Variants in CEP44 observed in about 807,000 individuals in gnomAD.
The protein encoded by CEP44 is centrosomal protein 44, also known as centrosomal protein of 44 kDa.
A neutral mutation model predicts 46.7 loss-of-function variants in CEP44; 45 were observed. The observed-to-expected ratio is 0.96, with a 90% CI of 0.76 to 1.24. The LOEUF is 1.24. Among genes scored for constraint, CEP44 ranks in the 50% most tolerant of loss-of-function variants. CEP44 has a pLI of 0.00. For synonymous variants in CEP44, 142 were observed against 146.0 expected (o/e 0.97, Z 0.20); for missense variants, 475 against 459.7 (o/e 1.03, Z -0.30).
In CEP44 at chr4:174,310,796, T is replaced by TCC; in HGVS notation, c.899_900insCC (p.Glu301GlnfsTer19). The stretch of plus-strand genomic sequence containing the variant: ...GTGTTATTCCAGAATGATGAATTTA[T>TCC]AGAGTTTAATGAAGTTAGTGAAGAC... On this transcript the variant is annotated frameshift_variant, in exon 9 of 12. Transcript: ENST00000503780. LOFTEE classifies it high-confidence loss of function. The surrounding 1 kb of genome is among the most constrained non-coding windows in gnomAD (Gnocchi z 4.2). 2 of 1,466,164 alleles carry TCC rather than the reference T, an allele frequency of 1.4e-6. No homozygotes were observed. Among genetic ancestry groups the TCC allele is most frequent in the Non-Finnish European group, 1.9e-6 (2 of 1,063,552 alleles). 90.8% of individuals were successfully genotyped at this position (1,466,164 alleles called of 1,614,324 possible). A position where few individuals can be genotyped will look rare whatever the true frequency, so the allele number is the denominator to read the frequency against.
intron 6 of CEP44, 23 bp downstream of exon 6, chr4:174,304,392 T>C (rs1740138851): frequency 1.2e-6 from 2 of 1,600,608 alleles, no homozygotes; most frequent in South Asian, 1.1e-5. Context: ...AAAGAAAATA[T>C]CATATTGTTT....
chr4:174,323,503 T>C (rs985577038), downstream of CEP44, among the ~76,000 whole-genome samples: 7 of 152,116 alleles, frequency 4.6e-5, no homozygotes, highest in Non-Finnish European at 7.4e-5. Context: ...ACAATGAGTT[T>C]TGCAGTGGAG....
At chr4:174,296,985 A>G (rs891180682) in intron 1 of CEP44, among the ~76,000 whole-genome samples, 1 of 152,036 alleles carries the variant, frequency 6.6e-6, no homozygotes, top group Non-Finnish European at 1.5e-5. Flanking sequence ...TATGTCCCTA[A>G]TAACTTTCCT....
rs56201469 is a variant in CEP44 at position 174,291,787 on chromosome 4, C to CTTTTTTTTTTTTTTTTTTTTTT, written c.-147-6175_-147-6154dup. ...CTTTATTCTTTTATCTTTTTCTTTT[C>CTTTTTTTTTTTTTTTTTTTTTT]TTTTTTTTTTTTTTTTTTTTTTTTT... On this transcript the variant is annotated intron_variant, in intron 1 of 11. Coordinates refer to ENST00000503780, the MANE Select transcript of CEP44 (RefSeq NM_001040157.3). 3.2e-4 allele frequency among the ~76,000 whole-genome samples: 15 copies of CTTTTTTTTTTTTTTTTTTTTTT among 46,392 alleles called. 2 individuals are homozygous for CTTTTTTTTTTTTTTTTTTTTTT. Among genetic ancestry groups the CTTTTTTTTTTTTTTTTTTTTTT allele is most frequent in the Non-Finnish European group, 5.0e-4 (13 of 25,890 alleles). The allele number at this position is 46,392 out of a possible 152,430, so 30.4% of individuals were successfully genotyped here.
chr4:174,327,340 C>T (rs1036466887), intron 8 of CEP44, among the ~76,000 whole-genome samples: 6 of 151,224 alleles, frequency 4.0e-5, no homozygotes, highest in African/African-American at 7.3e-5. Flanking sequence ...GTAGACATAC[C>T]ATCTTCGTGT....
At position 174,299,215 on chromosome 4, in the gene CEP44, G is replaced by A. The variant is rs1739429516; in HGVS notation, c.89+5G>A. 1 of 1,596,302 alleles carries A rather than the reference G, an allele frequency of 6.3e-7. No individual in the cohort carries two copies. Among genetic ancestry groups the A allele is most frequent in the Non-Finnish European group, 8.6e-7 (1 of 1,169,164 alleles). ...TGAAGAGGTGGACTGTGTAGGGTAA[G>A]CTATAATATCAAACTTAATTGTATT... On this transcript the variant is annotated splice_donor_5th_base_variant and intron_variant, in intron 3 of 11. Coordinates refer to ENST00000503780, the MANE Select transcript of CEP44 (RefSeq NM_001040157.3).
At position 174,317,794 on chromosome 4, in the gene CEP44, A is replaced by G. The variant is rs530621552; in HGVS notation, c.*411A>G. 46 of 986,404 alleles carry G rather than the reference A, an allele frequency of 4.7e-5. No homozygotes were observed. The South Asian group carries it at 1.8e-3, about 38-fold the overall frequency. The allele number at this position is 986,404 out of a possible 1,614,324, so 61.1% of individuals were successfully genotyped here. A position where few individuals can be genotyped will look rare whatever the true frequency, so the allele number is the denominator to read the frequency against. On this transcript the variant is annotated 3_prime_UTR_variant, in exon 12 of 12. Coordinates refer to ENST00000503780, the MANE Select transcript of CEP44 (RefSeq NM_001040157.3). Reference sequence around the variant, plus strand: ...TTATACCCAGGAGGCTCTCATATATACCATCTTGGCATCTGTACTGATGAA... The same window carrying G: ...TTATACCCAGGAGGCTCTCATATATGCCATCTTGGCATCTGTACTGATGAA...
At chr4:174,293,059 T>C (rs1356659828) in intron 1 of CEP44, among the ~76,000 whole-genome samples, 1 of 152,238 alleles carries the variant, frequency 6.6e-6, no homozygotes, top group Non-Finnish European at 1.5e-5. Context: ...TTGGTGAGAC[T>C]GACTTCCAAA....
rs535641018 is a variant in CEP44 at position 174,298,023 on chromosome 4, A to C, written c.-90A>C. 1 of 152,296 alleles carries C rather than the reference A, an allele frequency of 6.6e-6. No individual in the cohort carries two copies. Among genetic ancestry groups the C allele is most frequent in the Non-Finnish European group, 1.5e-5 (1 of 68,080 alleles). 9.4% of individuals were successfully genotyped at this position (152,296 alleles called of 1,614,324 possible). On this transcript the variant is annotated 5_prime_UTR_variant, in exon 2 of 12. Transcript: ENST00000503780. ...CTTGCTTCAGTTGGTTTCCTCCTAA[A>C]TATTAGGCAGATGGGATTGGCTGGT...
intron 1 of CEP44, among the ~76,000 whole-genome samples, chr4:174,294,750 G>T (rs868153480): frequency 1.4e-5 from 2 of 142,132 alleles, no homozygotes; most frequent in Non-Finnish European, 3.2e-5. Flanking sequence ...CCTGCTGGGC[G>T]GGGGGCTGAC....
At position 174,326,863 on chromosome 4, in the gene CEP44, A is replaced by C. The variant is rs1742701784; in HGVS notation, c.1087-4619A>C. On this transcript the variant is annotated intron_variant, in intron 8 of 8. Transcript: ENST00000426172. This position sits in a 1 kb window ranked among gnomAD's most constrained non-coding sequence, Gnocchi z 4.8. ...TTGCATTGTTTCTGATGAGAAATCT[A>C]CTGTTATTTTTATCTTTGTTTCTTT... Among the ~76,000 whole-genome samples the C allele has an allele frequency of 6.6e-6, 1 of 151,720 alleles. No individual in the cohort carries two copies. Among genetic ancestry groups the C allele is most frequent in the African/African-American group, 2.4e-5 (1 of 41,338 alleles).
Position 174,318,377 on chromosome 4 carries a change from A to C in CEP44, c.*994A>C. The C allele has an allele frequency of 1.0e-6, 1 of 984,928 alleles. No homozygotes were observed. Among genetic ancestry groups the C allele is most frequent in the Non-Finnish European group, 1.2e-6 (1 of 829,806 alleles). The allele number at this position is 984,928 out of a possible 1,614,324, so 61.0% of individuals were successfully genotyped here. A position where few individuals can be genotyped will look rare whatever the true frequency, so the allele number is the denominator to read the frequency against. ...GAAAGAGAATGTAGCCATTCTAGCC[A>C]CCGTTAAAAGATACACAGTGAGGTG... On this transcript the variant is annotated 3_prime_UTR_variant, in exon 12 of 12. Coordinates refer to ENST00000503780, the MANE Select transcript of CEP44 (RefSeq NM_001040157.3).
intron 6 of CEP44, among the ~76,000 whole-genome samples, chr4:174,307,214 C>G (rs1335286349): frequency 6.6e-6 from 1 of 152,110 alleles, no homozygotes; most frequent in Non-Finnish European, 1.5e-5. Flanking sequence ...TCAAACTATA[C>G]TACAGGGCTA....
Position 174,317,776 on chromosome 4 carries a change from C to G in CEP44, c.*393C>G, listed in dbSNP as rs993112036. ...CCAAATGGGACTTGTGTATTATACCCAGGAGGCTCTCATATATACCATCTT... is the reference window on the plus strand; with the variant it reads ...CCAAATGGGACTTGTGTATTATACCGAGGAGGCTCTCATATATACCATCTT... On this transcript the variant is annotated 3_prime_UTR_variant, in exon 12 of 12. Transcript: ENST00000503780. The G allele has an allele frequency of 1.0e-6, 1 of 986,922 alleles. No homozygotes were observed. Among genetic ancestry groups the G allele is most frequent in the Admixed American group, 6.1e-5 (1 of 16,302 alleles). 61.1% of individuals were successfully genotyped at this position (986,922 alleles called of 1,614,324 possible). A position where few individuals can be genotyped will look rare whatever the true frequency, so the allele number is the denominator to read the frequency against.
rs947141994 is a variant in CEP44, at chr4:174,288,662, G to A, written c.-148+4719G>A. On this transcript the variant is annotated intron_variant, in intron 1 of 11. Coordinates refer to ENST00000503780, the MANE Select transcript of CEP44 (RefSeq NM_001040157.3). This position sits in a 1 kb window ranked among gnomAD's most constrained non-coding sequence, Gnocchi z 4.6. ...TCACATTTTTGTTGGGGTCCCTAAG[G>A]TTTTCTACATCTAAGATCATGTCAT... Among the ~76,000 whole-genome samples the A allele has an allele frequency of 2.6e-5, 4 of 151,952 alleles. No individual in the cohort carries two copies. Among genetic ancestry groups the A allele is most frequent in the East Asian group, 1.9e-4 (1 of 5,184 alleles).
Position 174,326,246 on chromosome 4 carries a change from G to T in CEP44, c.1087-5236G>T, listed in dbSNP as rs1022874210. 5.3e-5 allele frequency among the ~76,000 whole-genome samples: 8 copies of T among 151,514 alleles called. No homozygotes were observed. Among genetic ancestry groups the T allele is most frequent in the African/African-American group, 1.9e-4 (8 of 41,278 alleles). ...TATGTGTGTGTGTGTGTCTGTGTGT[G>T]TGTCTGTGTGTTTGCTCCAAGATTT... On this transcript the variant is annotated intron_variant, in intron 8 of 8. Coordinates refer to the CEP44 transcript ENST00000426172. The surrounding 1 kb of genome is among the most constrained non-coding windows in gnomAD (Gnocchi z 4.8).
At position 174,303,740 on chromosome 4, in the gene CEP44, C is replaced by CA. The variant is rs1407057449; in HGVS notation, c.281dup (p.Gln95AlafsTer17). The CA allele has an allele frequency of 5.8e-6, 9 of 1,550,484 alleles. No homozygotes were observed. In the African/African-American group the frequency reaches 9.5e-5, roughly 16 times the overall value. Reference sequence around the variant, plus strand: ...CAATTTAATTATAAACCAATTTTGACAAAAAAGCAGTTTATCCAATGTGGG... The same window carrying CA: ...CAATTTAATTATAAACCAATTTTGACAAAAAAAGCAGTTTATCCAATGTGGG... On this transcript the variant is annotated frameshift_variant, in exon 5 of 12. Coordinates refer to ENST00000503780, the MANE Select transcript of CEP44 (RefSeq NM_001040157.3). LOFTEE classifies it high-confidence loss of function.
At position 174,310,824 on chromosome 4, in the gene CEP44, C is replaced by T. The variant is rs1740995548; in HGVS notation, c.927C>T (p.Tyr309=). The T allele has an allele frequency of 1.3e-6, 2 of 1,524,238 alleles. No individual in the cohort carries two copies. Among genetic ancestry groups the T allele is most frequent in the South Asian group, 1.2e-5 (1 of 85,490 alleles). 94.4% of individuals were successfully genotyped at this position (1,524,238 alleles called of 1,614,324 possible). A position where few individuals can be genotyped will look rare whatever the true frequency, so the allele number is the denominator to read the frequency against. ...AGTTTAATGAAGTTAGTGAAGACTA[C>T]GCTTCTTGTAGTGACATGGACCTTC... is the stretch of plus-strand genomic sequence containing the variant. The part of the protein sequence containing the change: ...FIEFNEVSED[Y]ASCSDMDLLN... Residue 309 remains tyrosine, a synonymous_variant, in exon 9 of 12, where the codon TAC becomes TAT. Transcript: ENST00000503780. This position sits in a 1 kb window ranked among gnomAD's most constrained non-coding sequence, Gnocchi z 4.2.
rs1390232021 is a variant in CEP44 at position 174,331,639 on chromosome 4, C to G, written c.*44C>G. On this transcript the variant is annotated 3_prime_UTR_variant, in exon 9 of 9. Transcript: ENST00000426172. This position sits in a 1 kb window ranked among gnomAD's most constrained non-coding sequence, Gnocchi z 4.5. ...TGTGCTTACCTTTTCCTGCTGTACT[C>G]TGATGTTTCAGTGAAGCTCATCCAC... is the stretch of plus-strand genomic sequence containing the variant. The G allele has an allele frequency of 3.0e-5, 46 of 1,538,106 alleles. No individual in the cohort carries two copies. The highest frequency in any genetic ancestry group is 3.9e-5 in the Non-Finnish European group (44 of 1,138,956).
Sources: allele counts gnomAD v4.1 joint callset (sites outside exome capture counted in the v4.1 genomes callset), GRCh38; gene constraint gnomAD v4.1.1; non-coding constraint Gnocchi (gnomAD v3.1); transcripts MANE v1.5; gene names NCBI Gene and HGNC (gene_info 2026-07-23, HGNC 2026-07-21).